The following HACD1 variants were observed in gnomAD, a reference collection of about 807,000 sequenced individuals.
HACD1 encodes very-long-chain (3R)-3-hydroxyacyl-CoA dehydratase 1.
Under a neutral mutation model 32.0 loss-of-function variants are expected in HACD1, and 41 were observed. The observed-to-expected ratio is 1.28, with a 90% confidence interval of 1.00 to 1.66. The LOEUF (loss-of-function observed/expected upper bound fraction) is 1.66, where lower values mean the gene tolerates loss of function less well. Among genes scored for constraint, HACD1 ranks in the 40% most tolerant of loss-of-function variants. HACD1 has a pLI of 0.00. For missense variants in HACD1, 396 were observed against 380.1 expected (o/e 1.04, Z -0.35); for synonymous variants, 142 against 139.0 (o/e 1.02, Z -0.15).
Position 17,594,324 on chromosome 10 carries a change from T to C in HACD1, c.665A>G (p.Tyr222Cys). ...TTTCTTCACATGCGGCAAGGCAGCG[T>C]ATATTGTAAGAAGTTCACCAGCAAC... ...VGVAGELLTIYAALPHVKKTG... is the reference protein window; with the variant it reads ...VGVAGELLTICAALPHVKKTG... The change falls in exon 6 of 7, where the codon TAC becomes TGC. Residue 222 changes from tyrosine (Y) to cysteine (C), a missense_variant. Physicochemically the swap from Tyr to Cys is radical, Grantham distance 194 (BLOSUM62 -2). Coordinates refer to ENST00000361271, the MANE Select transcript of HACD1 (RefSeq NM_014241.4). 6.3e-7 allele frequency: 1 copy of C among 1,597,374 alleles called. No homozygotes were observed. Among genetic ancestry groups the C allele is most frequent in the Non-Finnish European group, 8.5e-7 (1 of 1,171,814 alleles).
chr10:17,612,288 C>G (rs1832996043), intron 1 of HACD1, among the ~76,000 whole-genome samples: 1 of 152,060 alleles, frequency 6.6e-6, no homozygotes, highest in African/African-American at 2.4e-5. Context: ...TCAAATGTAA[C>G]TGTCAAAAAG....
chr10:17,604,320 C>A (rs1439629529), intron 1 of HACD1, among the ~76,000 whole-genome samples: 2 of 151,904 alleles, frequency 1.3e-5, no homozygotes, highest in South Asian at 2.1e-4. Flanking sequence ...CCCGTCTCTA[C>A]TAAAAATACA....
intron 2 of HACD1, 50 bp from the exon 3 acceptor site, chr10:17,603,794 A>G: frequency 6.4e-7 from 1 of 1,552,902 alleles, no homozygotes; most frequent in Non-Finnish European, 8.9e-7. Context: ...AAAACATTAA[A>G]TAAACCACTG....
chr10:17,606,982 T>C (rs111327653), intron 1 of HACD1, among the ~76,000 whole-genome samples: 53 of 152,288 alleles, frequency 3.5e-4, no homozygotes, highest in Middle Eastern at 3.4e-3. Context: ...TCGGAGTATA[T>C]GCTCTTAAGC....
At chr10:17,591,453 A>G (rs1833926845) in intron 6 of HACD1, among the ~76,000 whole-genome samples, 1 of 152,178 alleles carries the variant, frequency 6.6e-6, no homozygotes. Context: ...AGGTCCTCTT[A>G]ACAGAGCCTA....
chr10:17,600,132 T>C (rs1554816367), intron 4 of HACD1, among the ~76,000 whole-genome samples: 3 of 152,208 alleles, frequency 2.0e-5, no homozygotes. Context: ...CTAGATGTTG[T>C]TATTTCCAGA....
chr10:17,593,621 T>C (rs1833957161), intron 6 of HACD1, among the ~76,000 whole-genome samples: 1 of 152,256 alleles, frequency 6.6e-6, no homozygotes, highest in Non-Finnish European at 1.5e-5. Context: ...TGCCTCACTA[T>C]TAGCAGCACT....
chr10:17,607,301 T>C (rs1834161934), intron 1 of HACD1, among the ~76,000 whole-genome samples: 1 of 152,118 alleles, frequency 6.6e-6, no homozygotes, highest in Non-Finnish European at 1.5e-5. Context: ...CTACCCCAGC[T>C]TCACTGTGGC....
At chr10:17,602,231 G>A (rs1834080802) in intron 4 of HACD1, among the ~76,000 whole-genome samples, 1 of 152,086 alleles carries the variant, frequency 6.6e-6, no homozygotes, top group Non-Finnish European at 1.5e-5. Context: ...CACCACATCT[G>A]GCTGATTTTT....
intron 5 of HACD1, among the ~76,000 whole-genome samples, chr10:17,595,103 C>G (rs1833979702): frequency 6.6e-6 from 1 of 152,096 alleles, no homozygotes. Context: ...AGGTGATCCA[C>G]CCGCCTCAGC....
chr10:17,614,728 T>C (rs200813328), intron 1 of HACD1, among the ~76,000 whole-genome samples: 1 of 496 alleles, frequency 2.0e-3, no homozygotes, highest in African/African-American at 9.6e-3. Context: ...AAAAAGGAAA[T>C]AACAAGGAAA....
chr10:17,617,189 C>A lies in HACD1; in HGVS notation c.151G>T (p.Gly51Cys). The A allele has an allele frequency of 6.7e-7, 1 of 1,503,060 alleles. No homozygotes were observed. The highest frequency in any genetic ancestry group is 1.4e-5 in the African/African-American group (1 of 69,294). 93.1% of individuals were successfully genotyped at this position (1,503,060 alleles called of 1,614,324 possible). The change falls in exon 1 of 7, where the codon GGC becomes TGC. Residue 51 changes from glycine to cysteine, a missense_variant. Gly to Cys is a radical substitution (Grantham distance 159). Coordinates refer to ENST00000361271, the MANE Select transcript of HACD1 (RefSeq NM_014241.4). ...ASSDEDGTNG[G>C]ASEAGEDREA... ...CGGTCCTCGCCGGCCTCCGAGGCGC[C>A]GCCGTTGGTGCCGTCCTCGTCGCTG... is the stretch of plus-strand genomic sequence containing the variant.
intron 4 of HACD1, among the ~76,000 whole-genome samples, chr10:17,601,784 G>T (rs1488305133): frequency 6.6e-6 from 1 of 152,146 alleles, no homozygotes; most frequent in African/African-American, 2.4e-5. Context: ...CTGCATGGCA[G>T]TCGCTGTTTA....
At chr10:17,593,464 C>T (rs933343216) in intron 6 of HACD1, among the ~76,000 whole-genome samples, 3 of 152,170 alleles carry the variant, frequency 2.0e-5, no homozygotes, top group South Asian at 2.1e-4. Context: ...TACAGGCATG[C>T]GCCACCATGC....
At position 17,617,238 on chromosome 10, in the gene HACD1, G is replaced by A. The variant is rs1554818268; in HGVS notation, c.102C>T (p.Pro34=). ...PTLLPLSPTS[P]RCAATMASSD... ...TGGACGCCATGGTGGCCGCGCACCTGGGGGACGTGGGAGACAGCGGCAGGA... is the reference window on the plus strand; with the variant it reads ...TGGACGCCATGGTGGCCGCGCACCTAGGGGACGTGGGAGACAGCGGCAGGA... The change falls in exon 1 of 7, where the codon CCC becomes CCT. Residue 34 remains proline (P), a synonymous_variant. Transcript: ENST00000361271. 8 of 1,484,878 alleles carry A rather than the reference G, an allele frequency of 5.4e-6. No individual in the cohort carries two copies. In the South Asian group the frequency reaches 8.8e-5, roughly 16 times the overall value. 92.0% of individuals were successfully genotyped at this position (1,484,878 alleles called of 1,614,324 possible). A position where few individuals can be genotyped will look rare whatever the true frequency, so the allele number is the denominator to read the frequency against.
intron 6 of HACD1, among the ~76,000 whole-genome samples, chr10:17,591,224 C>T (rs1833923873): frequency 6.8e-6 from 1 of 147,060 alleles, no homozygotes; most frequent in Non-Finnish European, 1.5e-5. Flanking sequence ...ATCCATACCC[C>T]TCACAAACAG....
chr10:17,612,640 G>T lies in HACD1; in HGVS notation c.257+4443C>A, dbSNP rs1833001340. 3.3e-5 allele frequency among the ~76,000 whole-genome samples: 5 copies of T among 152,260 alleles called. No individual in the cohort carries two copies. In the South Asian group the frequency reaches 1.0e-3, roughly 32 times the overall value. ...TTTGAGTAAAAACTTGGAAGAGGGG[G>T]CCGGGCGCGGTGGCTCATGCCTGTA... On this transcript the variant is annotated intron_variant, in intron 1 of 6. Transcript: ENST00000361271.
rs782293061 is a variant in HACD1, at chr10:17,603,859, T to A, written c.375+71A>T. The A allele has an allele frequency of 3.4e-6, 5 of 1,486,994 alleles. No homozygotes were observed. The African/African-American group carries it at 5.6e-5, about 17-fold the overall frequency. The allele number at this position is 1,486,994 out of a possible 1,614,324, so 92.1% of individuals were successfully genotyped here. A position where few individuals can be genotyped will look rare whatever the true frequency, so the allele number is the denominator to read the frequency against. On this transcript the variant is annotated intron_variant, in intron 2 of 6. Transcript: ENST00000361271. ...TGGTATGTAATCAGCAAAATCATAT[T>A]GATTTTGCACAACAAAAAATGTTCA...
rs375203106 is a variant in HACD1 at position 17,604,088 on chromosome 10, A to G, written c.258-41T>C. 10 of 1,328,412 alleles carry G rather than the reference A, an allele frequency of 7.5e-6. No homozygotes were observed. The African/African-American group carries it at 1.3e-4, about 18-fold the overall frequency. The allele number at this position is 1,328,412 out of a possible 1,614,324, so 82.3% of individuals were successfully genotyped here. A position where few individuals can be genotyped will look rare whatever the true frequency, so the allele number is the denominator to read the frequency against. Reference sequence around the variant, plus strand: ...ATTTCATAAAGTTCTTTCGAACTTAATACCACTGATTTATACATTTGTGTT... The same window carrying G: ...ATTTCATAAAGTTCTTTCGAACTTAGTACCACTGATTTATACATTTGTGTT... On this transcript the variant is annotated intron_variant, in intron 1 of 6. Transcript: ENST00000361271.
Sources: gnomAD v4.1 joint callset for allele counts (sites outside exome capture counted in the v4.1 genomes callset) on GRCh38, gnomAD v4.1.1 for gene constraint, MANE v1.5 for transcripts, NCBI Gene and HGNC (gene_info 2026-07-23, HGNC 2026-07-21) for gene names.